Variants in FUT8 observed in about 807,000 individuals in gnomAD.
The protein encoded by FUT8 is alpha-(1,6)-fucosyltransferase.
Under a neutral mutation model 71.3 loss-of-function variants are expected in FUT8, and 29 were observed. That is an observed-to-expected ratio of 0.41 (90% CI 0.30 to 0.55). The LOEUF (loss-of-function observed/expected upper bound fraction) is 0.55. Ranked by LOEUF, FUT8 falls within the 20% of genes least tolerant of loss-of-function variation. The pLI, the probability that FUT8 is intolerant of heterozygous loss-of-function variation, is 0.34. For missense variants in FUT8, 544 were observed against 702.1 expected (o/e 0.77, Z 2.55); for synonymous variants, 254 against 239.3 (o/e 1.06, Z -0.57).
the FUT8 span, among the ~76,000 whole-genome samples, chr14:65,399,011 C>G: frequency 4.1e-3 from 631 of 152,242 alleles, 4 homozygotes; most frequent in African/African-American, 0.014. Flanking sequence ...CTAAGTTAAG[C>G]TCATGGAGGA....
intron 2 of FUT8, among the ~76,000 whole-genome samples, chr14:65,525,715 C>G (rs1384597888): frequency 1.3e-5 from 2 of 152,204 alleles, no homozygotes; most frequent in African/African-American, 2.4e-5. Context: ...ATAAATTTCC[C>G]TCTACAGACT....
intron 1 of FUT8, among the ~76,000 whole-genome samples, chr14:65,434,360 G>A (rs963365647): frequency 8.5e-5 from 13 of 152,334 alleles, no homozygotes; most frequent in African/African-American, 3.1e-4. Context: ...TCAGACAGCT[G>A]AGAACTTAGT....
chr14:65,509,276 T>C (rs1882177925), intron 2 of FUT8, among the ~76,000 whole-genome samples: 1 of 152,194 alleles, frequency 6.6e-6, no homozygotes. Flanking sequence ...TCTATTGTTC[T>C]GTGTGCCTGT....
At chr14:65,462,731 C>T (rs1395380332) in intron 2 of FUT8, among the ~76,000 whole-genome samples, 1 of 152,188 alleles carries the variant, frequency 6.6e-6, no homozygotes, top group African/African-American at 2.4e-5. Flanking sequence ...TTCTTTGGTA[C>T]TACCAAAACC....
Position 65,643,738 on chromosome 14 carries a change from T to C in FUT8, c.597+14132T>C, listed in dbSNP as rs1890980712. On this transcript the variant is annotated intron_variant, in intron 6 of 10. Coordinates refer to ENST00000673929, the MANE Select transcript of FUT8 (RefSeq NM_001371533.1). This position sits in a 1 kb window ranked among gnomAD's most constrained non-coding sequence, Gnocchi z 4.5. The stretch of plus-strand genomic sequence containing the variant: ...CACCAGATTCCATTCTAGATGCTAT[T>C]CCTTAACTCATTTAATCCTTGAGAG... Among the ~76,000 whole-genome samples the C allele has an allele frequency of 6.7e-6, 1 of 149,140 alleles. No homozygotes were observed. Among genetic ancestry groups the C allele is most frequent in the African/African-American group, 2.5e-5 (1 of 40,282 alleles).
intron 1 of FUT8, among the ~76,000 whole-genome samples, chr14:65,423,418 C>T (rs550628221): frequency 2.7e-4 from 41 of 152,140 alleles, no homozygotes; most frequent in African/African-American, 8.9e-4. Context: ...CCCATCACTA[C>T]GCCAGGCTAA....
At chr14:65,632,813 C>G (rs1037883338) in intron 6 of FUT8, among the ~76,000 whole-genome samples, 8 of 152,118 alleles carry the variant, frequency 5.3e-5, no homozygotes, top group African/African-American at 1.9e-4. Flanking sequence ...TAGAAGGGTT[C>G]TTCCAATGTT....
intron 9 of FUT8, among the ~76,000 whole-genome samples, chr14:65,727,065 G>A (rs546684453): frequency 1.3e-5 from 2 of 152,362 alleles, no homozygotes; most frequent in South Asian, 4.1e-4. Context: ...GCCTTGGGCA[G>A]CTCCACCCCT....
At chr14:65,602,585 G>A (rs533930198) in intron 3 of FUT8, among the ~76,000 whole-genome samples, 198 of 151,658 alleles carry the variant, frequency 1.3e-3, no homozygotes, top group African/African-American at 4.2e-3. Flanking sequence ...AGTTCTTTAA[G>A]GAATCTCCAC....
rs1447983784 is a variant in FUT8, at chr14:65,731,401, AATT to A, written c.1260-1823_1260-1821del. ...TAAATTTTTATAAAGTGGAAAAAAA[AATT>A]ATTATTCCCAGTATCTGAAACCTCA... On this transcript the variant is annotated intron_variant, in intron 9 of 10. Transcript: ENST00000673929. Among the ~76,000 whole-genome samples, 6 of 152,296 alleles carry A rather than the reference AATT, an allele frequency of 3.9e-5. No homozygotes were observed. In the South Asian group the frequency reaches 6.2e-4, roughly 16 times the overall value.
chr14:65,671,753 T>C (rs1892489264), intron 7 of FUT8, among the ~76,000 whole-genome samples: 1 of 152,216 alleles, frequency 6.6e-6, no homozygotes, highest in Admixed American at 6.5e-5. Flanking sequence ...ATGAAGAGTA[T>C]GGCTGCCATC....
chr14:65,629,904 A>T (rs1302405026), intron 6 of FUT8, among the ~76,000 whole-genome samples: 1 of 152,116 alleles, frequency 6.6e-6, no homozygotes, highest in Non-Finnish European at 1.5e-5. Context: ...AGAGAAATAG[A>T]TGAAATGCTT....
intron 2 of FUT8, among the ~76,000 whole-genome samples, chr14:65,536,893 G>A (rs1884349301): frequency 6.6e-6 from 1 of 151,292 alleles, no homozygotes. Context: ...CCGATGAGTT[G>A]TAGATTTGGT....
At chr14:65,447,639 C>T (rs551270858) in intron 1 of FUT8, among the ~76,000 whole-genome samples, 24 of 151,794 alleles carry the variant, frequency 1.6e-4, no homozygotes, top group African/African-American at 4.6e-4. Flanking sequence ...ATGTTTTTGG[C>T]GTGTTTAGTA....
intron 7 of FUT8, among the ~76,000 whole-genome samples, chr14:65,673,246 A>G (rs1892556636): frequency 6.6e-6 from 1 of 152,244 alleles, no homozygotes; most frequent in South Asian, 2.1e-4. Flanking sequence ...AAAAGGTTTT[A>G]GTCAAAGAGT....
At chr14:65,538,735 C>T (rs1884495914) in intron 2 of FUT8, among the ~76,000 whole-genome samples, 2 of 152,116 alleles carry the variant, frequency 1.3e-5, no homozygotes, top group Non-Finnish European at 2.9e-5. Flanking sequence ...GCCTGGCCAA[C>T]ATGATGAAAC....
rs994504361 is a variant in FUT8 at position 65,743,145 on chromosome 14, T to C, written c.*735T>C. 1.3e-5 allele frequency: 2 copies of C among 152,340 alleles called. No individual in the cohort carries two copies. The highest frequency in any genetic ancestry group is 2.9e-5 in the Non-Finnish European group (2 of 67,902). 9.4% of individuals were successfully genotyped at this position (152,340 alleles called of 1,614,324 possible). A position where few individuals can be genotyped will look rare whatever the true frequency, so the allele number is the denominator to read the frequency against. ...AAAAAATAAATTTTAAAAAGGAATT[T>C]TGTAAAGTTTCTAGAATTTTATATC... On this transcript the variant is annotated 3_prime_UTR_variant, in exon 11 of 11. Transcript: ENST00000673929.
chr14:65,670,171 G>C (rs563299995), intron 7 of FUT8, among the ~76,000 whole-genome samples: 14 of 152,206 alleles, frequency 9.2e-5, no homozygotes, highest in African/African-American at 3.4e-4. Flanking sequence ...AGTGGTGAAG[G>C]AGTAGAATAT....
chr14:65,450,911 G>T (rs941561058), intron 1 of FUT8, among the ~76,000 whole-genome samples: 24 of 151,280 alleles, frequency 1.6e-4, no homozygotes, highest in African/African-American at 5.8e-4. Context: ...TGTCGGCCAG[G>T]CTAGAGTGCA....
Sources: gnomAD v4.1 joint callset for allele counts (sites outside exome capture counted in the v4.1 genomes callset) on GRCh38, gnomAD v4.1.1 for gene constraint, Gnocchi (gnomAD v3.1) non-coding constraint, MANE v1.5 for transcripts, NCBI Gene and HGNC (gene_info 2026-07-23, HGNC 2026-07-21) for gene names.